The following ARID1B variants were observed in gnomAD, a reference collection of about 807,000 sequenced individuals.
ARID1B encodes the protein AT-rich interaction domain 1B, also known as AT-rich interactive domain-containing protein 1B.
In ARID1B, 30 loss-of-function variants were observed where a neutral mutation model predicts 212.3. The observed-to-expected ratio is 0.14, with a 90% confidence interval of 0.11 to 0.19. The LOEUF is 0.19. Among genes scored for constraint, ARID1B ranks in the 10% least tolerant of loss-of-function variants. The pLI is 1.00. For missense variants in ARID1B, 2,891 were observed against 3,204.0 expected (o/e 0.90, Z 2.36); for synonymous variants, 1,402 against 1,301.7 (o/e 1.08, Z -1.66).
At chr6:157,112,634 A>G (rs1384712738) in intron 6 of ARID1B, among the ~76,000 whole-genome samples, 2 of 152,188 alleles carry the variant, frequency 1.3e-5, no homozygotes, top group Non-Finnish European at 2.9e-5. Context: ...TCCTTGAACA[A>G]TGTCTTTCCC....
At chr6:156,836,862 G>C (rs537619003) in intron 2 of ARID1B, among the ~76,000 whole-genome samples, 4 of 152,030 alleles carry the variant, frequency 2.6e-5, no homozygotes, top group Non-Finnish European at 4.4e-5. Context: ...ACAGGGTTTT[G>C]CCATGTAGCC....
rs569037824 is a variant in ARID1B, at chr6:156,944,575, G to A, written c.2247+8999G>A. Among the ~76,000 whole-genome samples, 7 of 152,288 alleles carry A rather than the reference G, an allele frequency of 4.6e-5. No homozygotes were observed. In the East Asian group the frequency reaches 5.8e-4, roughly 13 times the overall value. Reference sequence around the variant, plus strand: ...CAACCAAATAAATGAAAAAGCTGCAGGACGCCGAAATCTTTGTAATGCAAA... The same window carrying A: ...CAACCAAATAAATGAAAAAGCTGCAAGACGCCGAAATCTTTGTAATGCAAA... On this transcript the variant is annotated intron_variant, in intron 4 of 19. Transcript: ENST00000636930.
intron 4 of ARID1B, among the ~76,000 whole-genome samples, chr6:156,954,978 C>T (rs1205870132): frequency 1.3e-5 from 2 of 152,232 alleles, no homozygotes; most frequent in African/African-American, 2.4e-5. Flanking sequence ...TGTGTTGGAC[C>T]GTCACGCTGC....
At chr6:157,079,062 G>A (rs1784473430) in intron 4 of ARID1B, among the ~76,000 whole-genome samples, 1 of 152,120 alleles carries the variant, frequency 6.6e-6, no homozygotes, top group Admixed American at 6.5e-5. Context: ...TCTTAAGGGT[G>A]TGTACTGTAC....
chr6:157,049,937 C>T (rs989372804), intron 4 of ARID1B, among the ~76,000 whole-genome samples: 1 of 152,186 alleles, frequency 6.6e-6, no homozygotes, highest in Non-Finnish European at 1.5e-5. Context: ...TTAACCTGCA[C>T]TTCATATCAT....
chr6:156,917,412 G>A (rs1790445151), intron 3 of ARID1B, among the ~76,000 whole-genome samples: 1 of 152,174 alleles, frequency 6.6e-6, no homozygotes, highest in African/African-American at 2.4e-5. Flanking sequence ...ACCTAAAGGA[G>A]CCCCTAGTTG....
intron 4 of ARID1B, among the ~76,000 whole-genome samples, chr6:156,994,336 G>A (rs1778453539): frequency 6.6e-6 from 1 of 152,086 alleles, no homozygotes; most frequent in South Asian, 2.1e-4. Flanking sequence ...CAGTCTTAAT[G>A]CAGAAAGCGC....
Position 156,911,543 on chromosome 6 carries a change from C to T in ARID1B, c.2136+10018C>T, listed in dbSNP as rs144876894. 2.9e-4 allele frequency among the ~76,000 whole-genome samples: 44 copies of T among 152,110 alleles called. No individual in the cohort carries two copies. The East Asian group carries it at 6.6e-3, about 23-fold the overall frequency. ...ACTAACTACTCCGTTGAAATTTTGTCACTACATGTGTTATATATGTCCTTA... is the reference window on the plus strand; with the variant it reads ...ACTAACTACTCCGTTGAAATTTTGTTACTACATGTGTTATATATGTCCTTA... On this transcript the variant is annotated intron_variant, in intron 3 of 19. Coordinates refer to ENST00000636930, the MANE Select transcript of ARID1B (RefSeq NM_001374828.1).
intron 4 of ARID1B, among the ~76,000 whole-genome samples, chr6:156,972,865 T>G (rs1233193265): frequency 2.0e-5 from 3 of 152,258 alleles, no homozygotes; most frequent in African/African-American, 7.2e-5. Context: ...AAAAGACATT[T>G]TAAACTTTCA....
intron 19 of ARID1B, chr6:157,205,756 A>G (rs1432212385): frequency 5.9e-6 from 1 of 168,446 alleles, no homozygotes; most frequent in Non-Finnish European, 1.3e-5. Flanking sequence ...ATAGAAGAGA[A>G]CAGAGTCACT....
intron 13 of ARID1B, chr6:157,186,616 A>G: frequency 2.2e-6 from 1 of 454,672 alleles, no homozygotes; most frequent in Non-Finnish European, 4.6e-6. Context: ...AATTATTCCC[A>G]ACTATTGGCC....
intron 8 of ARID1B, chr6:157,164,767 A>G (rs897203856): frequency 6.6e-6 from 1 of 152,244 alleles, no homozygotes; most frequent in Non-Finnish European, 1.5e-5. Context: ...TACAAAAGGC[A>G]TAGATGAAGC....
At chr6:156,815,640 C>CATG (rs1420904824) in intron 1 of ARID1B, among the ~76,000 whole-genome samples, 1 of 152,178 alleles carries the variant, frequency 6.6e-6, no homozygotes, top group Non-Finnish European at 1.5e-5. Context: ...CAAAGCTTCA[C>CATG]ATGAGAGGCC....
intron 4 of ARID1B, among the ~76,000 whole-genome samples, chr6:157,011,335 T>C (rs1023832763): frequency 6.6e-6 from 1 of 152,272 alleles, no homozygotes; most frequent in African/African-American, 2.4e-5. Flanking sequence ...TGTAGTTCTA[T>C]GATAAATTCC....
At chr6:156,929,210 G>A (rs963023183) in intron 3 of ARID1B, among the ~76,000 whole-genome samples, 7 of 152,176 alleles carry the variant, frequency 4.6e-5, no homozygotes, top group African/African-American at 1.7e-4. Flanking sequence ...CCCCTCTTGC[G>A]AATATGAGCT....
At chr6:157,056,746 T>C (rs1354338009) in intron 4 of ARID1B, among the ~76,000 whole-genome samples, 1 of 152,346 alleles carries the variant, frequency 6.6e-6, no homozygotes, top group East Asian at 1.9e-4. Context: ...TTTTGATGTT[T>C]AGTTTTGACT....
At chr6:156,890,420 G>A (rs1163560193) in intron 2 of ARID1B, among the ~76,000 whole-genome samples, 2 of 152,124 alleles carry the variant, frequency 1.3e-5, no homozygotes, top group Non-Finnish European at 2.9e-5. Flanking sequence ...ACTTTTCAAT[G>A]TTTCCCAAAT....
At chr6:157,066,853 T>A (rs1783705114) in intron 4 of ARID1B, among the ~76,000 whole-genome samples, 1 of 152,208 alleles carries the variant, frequency 6.6e-6, no homozygotes, top group Non-Finnish European at 1.5e-5. Flanking sequence ...TACAGTTTTT[T>A]AAAATTTCTT....
At chr6:156,834,193 G>A (rs746060403) in intron 2 of ARID1B, among the ~76,000 whole-genome samples, 2 of 152,080 alleles carry the variant, frequency 1.3e-5, no homozygotes, top group Non-Finnish European at 2.9e-5. Context: ...TTTTCATCAT[G>A]AAATGTTTAT....
Sources: allele counts gnomAD v4.1 joint callset (sites outside exome capture counted in the v4.1 genomes callset), GRCh38; gene constraint gnomAD v4.1.1; transcripts MANE v1.5; gene names NCBI Gene and HGNC (gene_info 2026-07-23, HGNC 2026-07-21).